The following AFG1L variants were observed in gnomAD, a reference collection of about 807,000 sequenced individuals.
AFG1L encodes the protein AFG1-like ATPase.
In AFG1L, 53 loss-of-function variants were observed where a neutral mutation model predicts 62.2. The ratio of observed to expected loss-of-function variants is 0.85; its 90% CI spans 0.68 to 1.07. The LOEUF is 1.07. Ranked by LOEUF, AFG1L falls within the 50% of genes least tolerant of loss-of-function variation. The pLI is 0.00. For synonymous variants in AFG1L, 228 were observed against 210.3 expected (o/e 1.08, Z -0.73); for missense variants, 555 against 590.5 (o/e 0.94, Z 0.62).
At chr6:108,393,407 AT>A (rs1781145443) in intron 6 of AFG1L, among the ~76,000 whole-genome samples, 1 of 152,078 alleles carries the variant, frequency 6.6e-6, no homozygotes, top group Non-Finnish European at 1.5e-5. Flanking sequence ...AAGCCAAATG[AT>A]TTCTGTTTAG....
Position 108,399,291 on chromosome 6 carries a change from G to A in AFG1L, c.749-2705G>A, listed in dbSNP as rs193241043. On this transcript the variant is annotated intron_variant, in intron 6 of 12. Coordinates refer to ENST00000368977, the MANE Select transcript of AFG1L (RefSeq NM_145315.5). ...CAACCTCCGCCTCCTGGGTTCAAGC[G>A]ATTTCCCTGCCTCAGCCTCCTGAGT... Among the ~76,000 whole-genome samples, 108 of 133,812 alleles carry A rather than the reference G, an allele frequency of 8.1e-4. 1 individual carries two copies. The East Asian group carries it at 0.025, about 31-fold the overall frequency. The allele number at this position is 133,812 out of a possible 152,430, so 87.8% of individuals were successfully genotyped here.
At chr6:108,396,583 C>T (rs150637205) in intron 6 of AFG1L, among the ~76,000 whole-genome samples, 165 of 152,130 alleles carry the variant, frequency 1.1e-3, no homozygotes, top group Non-Finnish European at 1.9e-3. Flanking sequence ...CTCCACCTCC[C>T]GGGTTCAAGC....
intron 6 of AFG1L, among the ~76,000 whole-genome samples, chr6:108,400,703 TTA>T (rs1477567739): frequency 1.2e-4 from 15 of 123,928 alleles, no homozygotes; most frequent in African/African-American, 2.1e-4. Context: ...ATATATATTA[TTA>T]TATATATTTA....
At chr6:108,326,282 G>C (rs4946913) in intron 2 of AFG1L, among the ~76,000 whole-genome samples, 7,709 of 152,176 alleles carry the variant, frequency 0.051, 348 homozygotes, top group Admixed American at 0.15. Context: ...TCTGTTGCCA[G>C]GCTGGTCTTG....
chr6:108,391,198 C>A (rs1008200800), intron 6 of AFG1L, among the ~76,000 whole-genome samples: 2 of 152,164 alleles, frequency 1.3e-5, no homozygotes, highest in Non-Finnish European at 2.9e-5. Flanking sequence ...ACTGTTAATT[C>A]TTTAAGGAAT....
intron 7 of AFG1L, among the ~76,000 whole-genome samples, chr6:108,428,098 C>G (rs886855385): frequency 2.0e-5 from 3 of 152,110 alleles, no homozygotes; most frequent in African/African-American, 7.2e-5. Context: ...ACTCACCCCT[C>G]TATAACCACT....
rs116532209 is a variant in AFG1L, at chr6:108,407,412, C to G, written c.807+5358C>G. ...TATGAGTCAAAGATAAACCCTGTGG[C>G]TCACACTTGTAATCCCAGTGCTTTG... On this transcript the variant is annotated intron_variant, in intron 7 of 12. Transcript: ENST00000368977. Among the ~76,000 whole-genome samples, 641 of 152,284 alleles carry G rather than the reference C, an allele frequency of 4.2e-3. 5 individuals carry two copies. The highest frequency in any genetic ancestry group is 0.014 in the African/African-American group (566 of 41,552).
At chr6:108,380,275 G>A (rs1455388675) in intron 6 of AFG1L, among the ~76,000 whole-genome samples, 1 of 152,186 alleles carries the variant, frequency 6.6e-6, no homozygotes, top group Non-Finnish European at 1.5e-5. Context: ...CGCAATCTGT[G>A]TCCAGGAAGG....
chr6:108,315,819 T>C (rs1777568239), intron 1 of AFG1L, among the ~76,000 whole-genome samples: 1 of 152,104 alleles, frequency 6.6e-6, no homozygotes, highest in South Asian at 2.1e-4. Flanking sequence ...AGGCCAAGGC[T>C]GAAGGATCGT....
chr6:108,331,341 T>TTA (rs1778271936), intron 2 of AFG1L, among the ~76,000 whole-genome samples: 1 of 152,160 alleles, frequency 6.6e-6, no homozygotes, highest in African/African-American at 2.4e-5. Flanking sequence ...TATGGTGGAC[T>TTA]TATTTTTTTT....
chr6:108,450,760 T>C (rs1772019356), intron 8 of AFG1L, among the ~76,000 whole-genome samples: 1 of 152,150 alleles, frequency 6.6e-6, no homozygotes, highest in African/African-American at 2.4e-5. Context: ...TAAATCCATC[T>C]TGAATTAATT....
chr6:108,476,940 G>C lies in AFG1L; in HGVS notation c.961+5G>C, dbSNP rs753759286. On this transcript the variant is annotated splice_donor_5th_base_variant and intron_variant, in intron 9 of 12. Transcript: ENST00000368977. ...TGGCTCAGAAACAAAATGATTGTAC[G>C]TAAGTTAATTTCTCTTGAAAGAGAA... The C allele has an allele frequency of 1.2e-6, 2 of 1,611,470 alleles. No homozygotes were observed. The highest frequency in any genetic ancestry group is 4.5e-5 in the East Asian group (2 of 44,864).
intron 7 of AFG1L, among the ~76,000 whole-genome samples, chr6:108,437,633 T>G (rs898111212): frequency 4.6e-5 from 7 of 152,146 alleles, no homozygotes; most frequent in Admixed American, 1.3e-4. Context: ...AGTATAGAAT[T>G]TAGTATGGGG....
At chr6:108,333,055 G>A (rs555982181) in intron 2 of AFG1L, among the ~76,000 whole-genome samples, 2 of 152,118 alleles carry the variant, frequency 1.3e-5, no homozygotes, top group African/African-American at 2.4e-5. Flanking sequence ...TTAACAAAAG[G>A]TACCATAGAA....
At chr6:108,361,097 G>C (rs1373112402) in intron 5 of AFG1L, among the ~76,000 whole-genome samples, 1 of 152,226 alleles carries the variant, frequency 6.6e-6, no homozygotes, top group Admixed American at 6.5e-5. Context: ...CTGGAGGATG[G>C]CCTAATGCCT....
chr6:108,323,831 CG>C lies in AFG1L; in HGVS notation c.148del (p.Val50PhefsTer7). The C allele has an allele frequency of 6.2e-7, 1 of 1,612,266 alleles. No individual in the cohort carries two copies. Among genetic ancestry groups the C allele is most frequent in the Non-Finnish European group, 8.5e-7 (1 of 1,178,380 alleles). On this transcript the variant is annotated frameshift_variant, in exon 2 of 13. Coordinates refer to ENST00000368977, the MANE Select transcript of AFG1L (RefSeq NM_145315.5). LOFTEE classifies it high-confidence loss of function. Reference protein sequence around the residue: ...APGKPFWKAYTVQTSESMTPT... With the variant: ...APGKPFWKAYXVQTSESMTPT... ...TTTATGTTTTTGTTTATAGCCTATA[CG>C]GTTCAGACATCCGAGAGCATGACCC... is the stretch of plus-strand genomic sequence containing the variant.
chr6:108,407,765 A>G lies in AFG1L; in HGVS notation c.807+5711A>G, dbSNP rs574837479. On this transcript the variant is annotated intron_variant, in intron 7 of 12. Transcript: ENST00000368977. The stretch of plus-strand genomic sequence containing the variant: ...TGTTCTTCAGGTCTTGAACAGGTCT[A>G]GCTGTTTTTCCTTCTTTCTACTTTT... 1.3e-3 allele frequency among the ~76,000 whole-genome samples: 204 copies of G among 151,506 alleles called. 1 individual carries two copies. Among genetic ancestry groups the G allele is most frequent in the Non-Finnish European group, 2.4e-3 (160 of 67,892 alleles).
At chr6:108,487,717 G>A (rs1442097196) in intron 10 of AFG1L, among the ~76,000 whole-genome samples, 1 of 152,202 alleles carries the variant, frequency 6.6e-6, no homozygotes, top group African/African-American at 2.4e-5. Flanking sequence ...ACCTGGAAAG[G>A]TGAGCAGAAT....
intron 10 of AFG1L, among the ~76,000 whole-genome samples, chr6:108,489,465 ATAC>A (rs1373339821): frequency 3.3e-5 from 5 of 152,208 alleles, no homozygotes; most frequent in Non-Finnish European, 7.3e-5. Context: ...AAAAATCAAT[ATAC>A]TTAAGAATCC....
Sources: gnomAD v4.1 joint callset for allele counts (sites outside exome capture counted in the v4.1 genomes callset) on GRCh38, gnomAD v4.1.1 for gene constraint, MANE v1.5 for transcripts, NCBI Gene and HGNC (gene_info 2026-07-23, HGNC 2026-07-21) for gene names.